Variants in SETD7 observed in about 807,000 individuals in gnomAD.
SETD7 encodes histone-lysine N-methyltransferase SETD7.
In SETD7, 16 loss-of-function variants were observed where a neutral mutation model predicts 41.8. The observed-to-expected ratio is 0.38, with a 90% CI of 0.26 to 0.58. The LOEUF (loss-of-function observed/expected upper bound fraction) is 0.58, where lower values mean the gene tolerates loss of function less well. Among genes scored for constraint, SETD7 ranks in the 20% least tolerant of loss-of-function variants. The pLI, the probability that SETD7 is intolerant of heterozygous loss-of-function variation, is 0.64. For synonymous variants in SETD7, 163 were observed against 169.7 expected, an observed-to-expected ratio of 0.96 and a Z score of 0.31; for missense variants, 346 against 459.7, an observed-to-expected ratio of 0.75 and a Z score of 2.26.
At chr4:139,536,895 C>T (rs1317574084) in intron 2 of SETD7, among the ~76,000 whole-genome samples, 1 of 152,164 alleles carries the variant, frequency 6.6e-6, no homozygotes, top group Non-Finnish European at 1.5e-5. Context: ...CACAGCTACT[C>T]GAAAGGCTGA....
In SETD7 at chr4:139,555,660, G is replaced by C. The variant is rs927569146; in HGVS notation, c.40+438C>G. ...GGGCGCAGAGGCAGCAGAAGGGAAG[G>C]GCTGGCGGCCGGGAGGGGATCGGGG... On this transcript the variant is annotated intron_variant, in intron 1 of 7. Transcript: ENST00000274031. The surrounding 1 kb of genome is among the most constrained non-coding windows in gnomAD (Gnocchi z 4.0). 6.6e-6 allele frequency among the ~76,000 whole-genome samples: 1 copy of C among 152,100 alleles called. No homozygotes were observed. Among genetic ancestry groups the C allele is most frequent in the Non-Finnish European group, 1.5e-5 (1 of 67,982 alleles).
chr4:139,502,904 TG>T (rs1726612936), downstream of SETD7, among the ~76,000 whole-genome samples: 1 of 152,010 alleles, frequency 6.6e-6, no homozygotes, highest in Admixed American at 6.6e-5. Flanking sequence ...CTGGTCTTGC[TG>T]GGGGTGGTGG....
intron 2 of SETD7, among the ~76,000 whole-genome samples, chr4:139,543,274 T>C (rs1002211091): frequency 6.6e-6 from 1 of 152,184 alleles, no homozygotes; most frequent in African/African-American, 2.4e-5. Flanking sequence ...TAGACAAATA[T>C]AAATAAAAAC....
chr4:139,520,575 G>A (rs1263989557), intron 5 of SETD7, among the ~76,000 whole-genome samples, 181 bp from the exon 6 acceptor site: 1 of 152,092 alleles, frequency 6.6e-6, no homozygotes, highest in Non-Finnish European at 1.5e-5. Flanking sequence ...TAAACAAACG[G>A]TAGTTATGTC....
intron 4 of SETD7, among the ~76,000 whole-genome samples, chr4:139,528,160 T>C (rs187263127): frequency 3.0e-4 from 46 of 152,358 alleles, no homozygotes; most frequent in African/African-American, 1.1e-3. Flanking sequence ...TCTTTGTATA[T>C]TTTCCAGATT....
At position 139,510,748 on chromosome 4, in the gene SETD7, G is replaced by A. The variant is rs1403292991; in HGVS notation, c.*915C>T. On this transcript the variant is annotated 3_prime_UTR_variant, in exon 8 of 8. Transcript: ENST00000274031. Reference sequence around the variant, plus strand: ...TGTACATTTAATGTGTACTCAAGGAGGAAAAAATTACTAGCACTACTGAAA... The same window carrying A: ...TGTACATTTAATGTGTACTCAAGGAAGAAAAAATTACTAGCACTACTGAAA... 1.3e-5 allele frequency: 2 copies of A among 152,316 alleles called. No homozygotes were observed. The highest frequency in any genetic ancestry group is 2.9e-5 in the Non-Finnish European group (2 of 67,998). The allele number at this position is 152,316 out of a possible 1,614,324, so 9.4% of individuals were successfully genotyped here.
At chr4:139,532,688 A>C (rs1252183611) in intron 3 of SETD7, 1 of 171,866 alleles carries the variant, frequency 5.8e-6, no homozygotes, top group Admixed American at 5.7e-5. Flanking sequence ...TATAAACCAT[A>C]AAATACCTTA....
At chr4:139,505,217 T>C (rs1189274049), downstream of SETD7, among the ~76,000 whole-genome samples, 2 of 152,220 alleles carry the variant, frequency 1.3e-5, no homozygotes, top group African/African-American at 2.4e-5. Flanking sequence ...AATTCACTTC[T>C]TTGGGGTCCT....
At chr4:139,503,176 T>TAA (rs1286353165), downstream of SETD7, among the ~76,000 whole-genome samples, 1 of 61,168 alleles carries the variant, frequency 1.6e-5, no homozygotes, top group East Asian at 6.2e-4. Flanking sequence ...AGACTCTGTC[T>TAA]CAGAAAAAAA....
At chr4:139,522,155 CAA>C (rs1403555763) in intron 5 of SETD7, among the ~76,000 whole-genome samples, 1 of 152,024 alleles carries the variant, frequency 6.6e-6, no homozygotes, top group Non-Finnish European at 1.5e-5. Flanking sequence ...AGCCTCATGT[CAA>C]AAAAGAGTCC....
At chr4:139,539,024 C>A (rs558779661) in intron 2 of SETD7, among the ~76,000 whole-genome samples, 1 of 152,230 alleles carries the variant, frequency 6.6e-6, no homozygotes, top group South Asian at 2.1e-4. Context: ...TACATATCTG[C>A]ATTTTATTCA....
chr4:139,518,911 T>G (rs1727104926), intron 6 of SETD7, among the ~76,000 whole-genome samples: 1 of 152,206 alleles, frequency 6.6e-6, no homozygotes, highest in African/African-American at 2.4e-5. Context: ...AGCCCAGCCT[T>G]TTGAAGCCAA....
rs138621839 is a variant in SETD7 at position 139,537,934 on chromosome 4, G to C, written c.171-4568C>G. Among the ~76,000 whole-genome samples, 845 of 152,214 alleles carry C rather than the reference G, an allele frequency of 5.6e-3. 5 individuals are homozygous for C. Among genetic ancestry groups the C allele is most frequent in the Non-Finnish European group, 8.2e-3 (560 of 68,018 alleles). Reference sequence around the variant, plus strand: ...TGGGTTAATATATATCAAATGCTTAGAATATGGTCTGGCACATAGTGATTG... The same window carrying C: ...TGGGTTAATATATATCAAATGCTTACAATATGGTCTGGCACATAGTGATTG... On this transcript the variant is annotated intron_variant, in intron 2 of 7. Transcript: ENST00000274031.
rs1418295250 is a variant in SETD7, at chr4:139,507,416, A to C, written c.*4247T>G. On this transcript the variant is annotated 3_prime_UTR_variant, in exon 8 of 8. Transcript: ENST00000274031. ...CGCCGAGGAAGTTGCTGAGAGTCAGAGTTATTGTAGGCTTTTGATTTTTAA... is the reference window on the plus strand; with the variant it reads ...CGCCGAGGAAGTTGCTGAGAGTCAGCGTTATTGTAGGCTTTTGATTTTTAA... 1 of 152,616 alleles carries C rather than the reference A, an allele frequency of 6.6e-6. No individual in the cohort carries two copies. Among genetic ancestry groups the C allele is most frequent in the Non-Finnish European group, 1.5e-5 (1 of 68,040 alleles). 9.5% of individuals were successfully genotyped at this position (152,616 alleles called of 1,614,324 possible). A position where few individuals can be genotyped will look rare whatever the true frequency, so the allele number is the denominator to read the frequency against.
intron 7 of SETD7, among the ~76,000 whole-genome samples, chr4:139,514,522 T>C (rs1159014001): frequency 1.3e-5 from 2 of 152,164 alleles, no homozygotes; most frequent in African/African-American, 2.4e-5. Flanking sequence ...CAGGTGTTGA[T>C]TGTTGAAGAT....
intron 2 of SETD7, among the ~76,000 whole-genome samples, chr4:139,544,638 C>G (rs768173): frequency 6.6e-6 from 1 of 152,110 alleles, no homozygotes. Flanking sequence ...AGCTCATTCT[C>G]GGCACACTGG....
At chr4:139,542,267 G>A (rs1413028986) in intron 2 of SETD7, among the ~76,000 whole-genome samples, 1 of 152,218 alleles carries the variant, frequency 6.6e-6, no homozygotes, top group Non-Finnish European at 1.5e-5. Flanking sequence ...AGGATGGGGA[G>A]AGGTTGGTCA....
At chr4:139,525,758 T>C (rs1274201074) in intron 4 of SETD7, among the ~76,000 whole-genome samples, 1 of 152,198 alleles carries the variant, frequency 6.6e-6, no homozygotes, top group South Asian at 2.1e-4. Flanking sequence ...CAGGACCCTG[T>C]ACCCCCTAAC....
At position 139,555,796 on chromosome 4, in the gene SETD7, G is replaced by A. The variant is rs1728250875; in HGVS notation, c.40+302C>T. On this transcript the variant is annotated intron_variant, in intron 1 of 7. Coordinates refer to ENST00000274031, the MANE Select transcript of SETD7 (RefSeq NM_030648.4). This position sits in a 1 kb window ranked among gnomAD's most constrained non-coding sequence, Gnocchi z 4.0. Reference sequence around the variant, plus strand: ...CAAAGGCGGAAAGGCCAGAGCGCGGGGCAGGTTTCGCAACTCCGAGGGTGG... The same window carrying A: ...CAAAGGCGGAAAGGCCAGAGCGCGGAGCAGGTTTCGCAACTCCGAGGGTGG... Among the ~76,000 whole-genome samples the A allele has an allele frequency of 6.6e-6, 1 of 152,172 alleles. No homozygotes were observed. The highest frequency in any genetic ancestry group is 2.4e-5 in the African/African-American group (1 of 41,462).
Sources: allele counts gnomAD v4.1 joint callset (sites outside exome capture counted in the v4.1 genomes callset), GRCh38; gene constraint gnomAD v4.1.1; non-coding constraint Gnocchi (gnomAD v3.1); transcripts MANE v1.5; gene names NCBI Gene and HGNC (gene_info 2026-07-23, HGNC 2026-07-21).